The following NCOA2 variants were observed in gnomAD, a reference collection of about 807,000 sequenced individuals.
NCOA2 encodes the protein nuclear receptor coactivator 2, also known as class E basic helix-loop-helix protein 75.
In NCOA2, 21 loss-of-function variants were observed where a neutral mutation model predicts 145.1. The observed-to-expected ratio is 0.14, with a 90% CI of 0.10 to 0.21. NCOA2 has a LOEUF of 0.21. NCOA2 is among the 10% of genes least tolerant of loss of function. The pLI is 1.00. For synonymous variants in NCOA2, 619 were observed against 637.5 expected (o/e 0.97, Z 0.44); for missense variants, 1,472 against 1,837.6 (o/e 0.80, Z 3.64).
chr8:70,366,029 C>T (rs1191160770), intron 1 of NCOA2, among the ~76,000 whole-genome samples: 1 of 152,160 alleles, frequency 6.6e-6, no homozygotes, highest in African/African-American at 2.4e-5. Flanking sequence ...TCATGCAACT[C>T]AGGGAAAAGA....
At chr8:70,293,264 T>C (rs1826844276) in intron 2 of NCOA2, among the ~76,000 whole-genome samples, 2 of 152,226 alleles carry the variant, frequency 1.3e-5, no homozygotes, top group Admixed American at 6.5e-5. Context: ...CATATCTTCA[T>C]GGATACATAT....
At chr8:70,408,178 GCAT>G (rs1814811326), upstream of NCOA2, among the ~76,000 whole-genome samples, 1 of 152,100 alleles carries the variant, frequency 6.6e-6, no homozygotes, top group African/African-American at 2.4e-5. Context: ...AAGTTATTTG[GCAT>G]CTCTGCAAAT....
chr8:70,260,162 G>A (rs1041770214), intron 2 of NCOA2, among the ~76,000 whole-genome samples: 2 of 152,106 alleles, frequency 1.3e-5, no homozygotes, highest in Non-Finnish European at 2.9e-5. Context: ...CTTAGACAAT[G>A]GAAGTGAGTT....
At chr8:70,356,500 A>G (rs1173830486) in intron 1 of NCOA2, among the ~76,000 whole-genome samples, 1 of 152,206 alleles carries the variant, frequency 6.6e-6, no homozygotes, top group Non-Finnish European at 1.5e-5. Context: ...ATTTTTAAAA[A>G]GGACAAGTGG....
At chr8:70,137,941 C>T (rs1563505750) in intron 15 of NCOA2, 1 of 286,248 alleles carries the variant, frequency 3.5e-6, no homozygotes, top group Non-Finnish European at 6.4e-6. Flanking sequence ...TGAAACATGG[C>T]TTATGATTTT....
intron 11 of NCOA2, among the ~76,000 whole-genome samples, chr8:70,154,539 A>C (rs1345870696): frequency 1.3e-5 from 2 of 152,120 alleles, no homozygotes; most frequent in Non-Finnish European, 2.9e-5. Flanking sequence ...TGAGTAGCTG[A>C]GACTACAGGT....
chr8:70,343,119 T>C (rs995898504), intron 1 of NCOA2, among the ~76,000 whole-genome samples: 1 of 152,196 alleles, frequency 6.6e-6, no homozygotes, highest in African/African-American at 2.4e-5. Flanking sequence ...GTGCCTAAAG[T>C]TGTAACTCCA....
intron 2 of NCOA2, among the ~76,000 whole-genome samples, chr8:70,279,026 C>T (rs1825682468): frequency 6.6e-6 from 1 of 152,034 alleles, no homozygotes; most frequent in South Asian, 2.1e-4. Flanking sequence ...TCAATGAATC[C>T]CTATGGCACT....
At chr8:70,434,868 A>C in the NCOA2 span, among the ~76,000 whole-genome samples, 2 of 152,126 alleles carry the variant, frequency 1.3e-5, no homozygotes, top group Non-Finnish European at 2.9e-5. Context: ...TTTTGATGAC[A>C]ACACATATGC....
intron 1 of NCOA2, among the ~76,000 whole-genome samples, chr8:70,392,279 G>T (rs568587319): frequency 1.1e-4 from 16 of 152,322 alleles, no homozygotes; most frequent in Admixed American, 2.6e-4. Context: ...AGGGCAACAG[G>T]ACACTGCACA....
rs572324669 is a variant in NCOA2, at chr8:70,164,713, T to C, written c.731-1147A>G. On this transcript the variant is annotated intron_variant, in intron 7 of 22. Coordinates refer to ENST00000452400, the MANE Select transcript of NCOA2 (RefSeq NM_006540.4). ...AGTCTTTTAAAACTGTTTCATGTAT[T>C]ATTTCTTCAACAAGACTGAAATATC... 5.6e-4 allele frequency among the ~76,000 whole-genome samples: 85 copies of C among 152,214 alleles called. 1 individual carries two copies. The Middle Eastern group carries it at 0.017, about 30-fold the overall frequency.
At chr8:70,239,592 G>A (rs951211450) in intron 2 of NCOA2, among the ~76,000 whole-genome samples, 3 of 152,102 alleles carry the variant, frequency 2.0e-5, no homozygotes, top group African/African-American at 7.2e-5. Context: ...AACACCATGA[G>A]ACACTGCCCG....
chr8:70,440,566 A>G, the NCOA2 span, among the ~76,000 whole-genome samples: 1 of 151,472 alleles, frequency 6.6e-6, no homozygotes, highest in Non-Finnish European at 1.5e-5. Flanking sequence ...GAGTGAGATA[A>G]GGGAGAGAGA....
At chr8:70,184,974 G>T (rs1815893977) in intron 4 of NCOA2, among the ~76,000 whole-genome samples, 1 of 152,094 alleles carries the variant, frequency 6.6e-6, no homozygotes, top group Non-Finnish European at 1.5e-5. Flanking sequence ...CTGACATCTT[G>T]CTCCCCAATG....
At chr8:70,319,673 G>A (rs1474225303) in intron 1 of NCOA2, among the ~76,000 whole-genome samples, 5 of 152,076 alleles carry the variant, frequency 3.3e-5, no homozygotes, top group African/African-American at 1.2e-4. Flanking sequence ...ATAATCTTTG[G>A]TAAATAAAGC....
intron 4 of NCOA2, among the ~76,000 whole-genome samples, 169 bp from the exon 5 acceptor site, chr8:70,175,028 G>A (rs1814672178): frequency 6.6e-6 from 1 of 152,232 alleles, no homozygotes; most frequent in Admixed American, 6.5e-5. Flanking sequence ...ACTGCTGGAA[G>A]CAGAAGCCAG....
intron 1 of NCOA2, among the ~76,000 whole-genome samples, chr8:70,384,691 AT>A (rs925891351): frequency 2.3e-4 from 35 of 152,294 alleles, no homozygotes; most frequent in African/African-American, 7.2e-4. Flanking sequence ...TAACCCCCAA[AT>A]TTTTTCCAAA....
intron 4 of NCOA2, among the ~76,000 whole-genome samples, chr8:70,178,076 T>C (rs1815064492): frequency 6.6e-6 from 1 of 152,222 alleles, no homozygotes; most frequent in Non-Finnish European, 1.5e-5. Context: ...ACATTCTGTG[T>C]GATACAAAAA....
Position 70,314,180 on chromosome 8 carries a change from C to CAAAAAAAAAAAAAAAAAAAAAAAAA in NCOA2, c.-76-17405_-76-17381dup, listed in dbSNP as rs61028027. Among the ~76,000 whole-genome samples the CAAAAAAAAAAAAAAAAAAAAAAAAA allele has an allele frequency of 4.1e-4, 7 of 17,202 alleles. 1 individual carries two copies. The East Asian group carries it at 0.012, about 30-fold the overall frequency. The allele number at this position is 17,202 out of a possible 152,430, so 11.3% of individuals were successfully genotyped here. A position where few individuals can be genotyped will look rare whatever the true frequency, so the allele number is the denominator to read the frequency against. On this transcript the variant is annotated intron_variant, in intron 1 of 22. Coordinates refer to ENST00000452400, the MANE Select transcript of NCOA2 (RefSeq NM_006540.4). ...GGGCGACAGAGCAAGACTCTGACTC[C>CAAAAAAAAAAAAAAAAAAAAAAAAA]AAAAAAAAAAAAAAAAAAAAAAAAA...
Sources: gnomAD v4.1 joint callset for allele counts (sites outside exome capture counted in the v4.1 genomes callset) on GRCh38, gnomAD v4.1.1 for gene constraint, MANE v1.5 for transcripts, NCBI Gene and HGNC (gene_info 2026-07-23, HGNC 2026-07-21) for gene names.